The following RAD51B variants were observed in gnomAD, a reference collection of about 807,000 sequenced individuals.
The protein encoded by RAD51B is DNA repair protein RAD51 homolog 2.
RAD51B carries 38 observed loss-of-function variants against 42.2 expected under a neutral mutation model. That is an observed-to-expected ratio of 0.90 (90% confidence interval 0.70 to 1.18). The LOEUF (loss-of-function observed/expected upper bound fraction) is 1.18, where lower values mean the gene tolerates loss of function less well. Ranked by LOEUF, RAD51B falls within the 50% of genes most tolerant of loss-of-function variation. RAD51B has a pLI of 0.00. For synonymous variants in RAD51B, 154 were observed against 145.2 expected (o/e 1.06, Z -0.43); for missense variants, 373 against 400.7 (o/e 0.93, Z 0.59).
At chr14:68,353,116 C>T (rs759514605) in intron 8 of RAD51B, among the ~76,000 whole-genome samples, 2 of 152,292 alleles carry the variant, frequency 1.3e-5, no homozygotes, top group Non-Finnish European at 2.9e-5. Context: ...TCTTCCCTAG[C>T]CTTTCCTTAT....
chr14:68,088,656 TG>T lies in RAD51B; in HGVS notation c.756+201459del, dbSNP rs1000447188. Among the ~76,000 whole-genome samples, 5 of 57,262 alleles carry T rather than the reference TG, an allele frequency of 8.7e-5. No homozygotes were observed. In the East Asian group the frequency reaches 2.8e-3, roughly 32 times the overall value. 37.6% of individuals were successfully genotyped at this position (57,262 alleles called of 152,430 possible). A position where few individuals can be genotyped will look rare whatever the true frequency, so the allele number is the denominator to read the frequency against. On this transcript the variant is annotated intron_variant, in intron 7 of 10. Coordinates refer to ENST00000471583, the MANE Select transcript of RAD51B (RefSeq NM_133510.4). ...AGAGAGAGAGACAGAGAGAGAGAGG[TG>T]GGGGGGAGATTGAGATGGAAAGAGT...
intron 7 of RAD51B, among the ~76,000 whole-genome samples, chr14:67,893,906 T>G (rs2043318609): frequency 6.6e-6 from 1 of 152,202 alleles, no homozygotes; most frequent in Non-Finnish European, 1.5e-5. Flanking sequence ...TCCTCTTGGC[T>G]CCGCTTTCGA....
chr14:67,830,384 A>G (rs2040994890), intron 3 of RAD51B, among the ~76,000 whole-genome samples: 1 of 150,136 alleles, frequency 6.7e-6, no homozygotes, highest in African/African-American at 2.5e-5. Context: ...GATTAATATG[A>G]CAGATATTTA....
intron 7 of RAD51B, among the ~76,000 whole-genome samples, chr14:68,209,079 T>G (rs2079650143): frequency 6.6e-6 from 1 of 152,314 alleles, no homozygotes; most frequent in South Asian, 2.1e-4. Flanking sequence ...TCATGATAGG[T>G]GACCCAGTTT....
intron 9 of RAD51B, among the ~76,000 whole-genome samples, chr14:68,436,487 T>G (rs1020645696): frequency 6.6e-6 from 1 of 152,210 alleles, no homozygotes; most frequent in Admixed American, 6.5e-5. Flanking sequence ...TGCTTAGGAT[T>G]GCTTTGTCTA....
intron 7 of RAD51B, among the ~76,000 whole-genome samples, chr14:68,005,391 T>C (rs958626682): frequency 6.6e-6 from 1 of 152,164 alleles, no homozygotes; most frequent in Non-Finnish European, 1.5e-5. Flanking sequence ...CTTCTAGTTT[T>C]AGCCTAGTGT....
intron 7 of RAD51B, among the ~76,000 whole-genome samples, chr14:68,183,525 G>C (rs2079094687): frequency 6.6e-6 from 1 of 152,144 alleles, no homozygotes; most frequent in African/African-American, 2.4e-5. Flanking sequence ...GACACACCCA[G>C]GAATAATACT....
chr14:68,163,350 T>C (rs2078683701), intron 7 of RAD51B, among the ~76,000 whole-genome samples: 2 of 152,234 alleles, frequency 1.3e-5, no homozygotes, highest in Admixed American at 6.5e-5. Context: ...TCTGGTTCTT[T>C]TTAACCTTAT....
intron 7 of RAD51B, among the ~76,000 whole-genome samples, chr14:68,174,379 C>CA (rs5809370): frequency 0.79 from 114,197 of 144,528 alleles, 45,116 homozygotes; most frequent in East Asian, 0.97. Flanking sequence ...ACCCTGTCTC[C>CA]AAAAAAAAAA....
At chr14:68,566,103 A>G (rs1042192458) in intron 10 of RAD51B, among the ~76,000 whole-genome samples, 6 of 152,194 alleles carry the variant, frequency 3.9e-5, no homozygotes, top group African/African-American at 4.8e-5. Context: ...TCTCCAGGTT[A>G]AGCAGCTCCA....
At chr14:68,593,195 C>G (rs1011004220) in intron 10 of RAD51B, among the ~76,000 whole-genome samples, 2 of 152,258 alleles carry the variant, frequency 1.3e-5, no homozygotes, top group African/African-American at 4.8e-5. Flanking sequence ...ATCTTCCATT[C>G]TTTAGCTGTG....
chr14:68,635,737 G>A (rs746498591), intron 10 of RAD51B, among the ~76,000 whole-genome samples: 2 of 152,074 alleles, frequency 1.3e-5, no homozygotes, highest in Non-Finnish European at 2.9e-5. Flanking sequence ...GTTGCCCCTG[G>A]GCTAGTGGCT....
At chr14:68,473,291 GA>G (rs1882245380) in intron 10 of RAD51B, among the ~76,000 whole-genome samples, 1 of 152,208 alleles carries the variant, frequency 6.6e-6, no homozygotes, top group African/African-American at 2.4e-5. Context: ...AGAGGTCATG[GA>G]GAAGAAGGCA....
intron 4 of RAD51B, among the ~76,000 whole-genome samples, chr14:67,842,198 A>G (rs2041453007): frequency 1.3e-5 from 2 of 152,010 alleles, no homozygotes; most frequent in African/African-American, 2.4e-5. Context: ...CTGGAATGTT[A>G]TTGGTGTATA....
chr14:68,299,768 A>G (rs1033323354), intron 8 of RAD51B, among the ~76,000 whole-genome samples: 3 of 152,238 alleles, frequency 2.0e-5, no homozygotes, highest in Non-Finnish European at 4.4e-5. Flanking sequence ...GTAAGGATAC[A>G]ATTGAGATTA....
intron 7 of RAD51B, among the ~76,000 whole-genome samples, chr14:67,997,128 A>G (rs895074437): frequency 2.0e-5 from 3 of 152,214 alleles, no homozygotes; most frequent in Non-Finnish European, 4.4e-5. Flanking sequence ...GTTATTGAGT[A>G]GGAAGTCAGA....
At chr14:68,585,666 AT>A (rs1004490480) in intron 10 of RAD51B, among the ~76,000 whole-genome samples, 37 of 151,940 alleles carry the variant, frequency 2.4e-4, no homozygotes, top group Admixed American at 2.1e-3. Context: ...CAGAGCAAAC[AT>A]TTTTTTCCTC....
At chr14:68,330,121 T>G (rs545988531) in intron 8 of RAD51B, among the ~76,000 whole-genome samples, 2 of 152,324 alleles carry the variant, frequency 1.3e-5, no homozygotes, top group South Asian at 4.1e-4. Flanking sequence ...AGTCACCATA[T>G]TCAGCATTAA....
intron 5 of RAD51B, among the ~76,000 whole-genome samples, chr14:67,872,173 G>A (rs2042558796): frequency 6.7e-6 from 1 of 149,826 alleles, no homozygotes; most frequent in African/African-American, 2.5e-5. Context: ...CGACATGATT[G>A]TATATCTAGA....
Sources: gnomAD v4.1 joint callset for allele counts (sites outside exome capture counted in the v4.1 genomes callset) on GRCh38, gnomAD v4.1.1 for gene constraint, MANE v1.5 for transcripts, NCBI Gene and HGNC (gene_info 2026-07-23, HGNC 2026-07-21) for gene names.